ISM2: variants seen among roughly 807,000 people sequenced by gnomAD.
The protein encoded by ISM2 is isthmin 2, also known as isthmin-2.
Under a neutral mutation model 58.0 loss-of-function variants are expected in ISM2, and 50 were observed. The ratio of observed to expected loss-of-function variants is 0.86; its 90% CI spans 0.69 to 1.09. The LOEUF (loss-of-function observed/expected upper bound fraction) is 1.09, where lower values mean the gene tolerates loss of function less well. Among genes scored for constraint, ISM2 ranks in the 50% least tolerant of loss-of-function variants. The probability of loss-of-function intolerance (pLI) is 0.00; values close to 1 mark genes in which losing one functional copy is unlikely to be tolerated. For missense variants in ISM2, 723 were observed against 745.0 expected (o/e 0.97, Z 0.34); for synonymous variants, 303 against 312.4 (o/e 0.97, Z 0.32).
chr14:77,498,596 G>A (rs1013917460), intron 1 of ISM2, 57 bp downstream of exon 1: 13 of 1,397,276 alleles, frequency 9.3e-6, no homozygotes, highest in Admixed American at 3.3e-5. Flanking sequence ...TGGAGCCGGC[G>A]GGCTGGGGAG....
intron 3 of ISM2, among the ~76,000 whole-genome samples, chr14:77,483,547 CAA>C (rs5809837): frequency 3.7e-4 from 41 of 111,940 alleles, no homozygotes; most frequent in Non-Finnish European, 3.2e-4. Flanking sequence ...GACTCCATCT[CAA>C]AAAAAAAAAA....
chr14:77,479,391 T>C (rs999121388), intron 4 of ISM2, among the ~76,000 whole-genome samples: 2 of 149,452 alleles, frequency 1.3e-5, no homozygotes, highest in African/African-American at 5.0e-5. Context: ...GCTAATTTTT[T>C]TTTTTTTTTT....
Position 77,484,507 on chromosome 14 carries a change from G to A in ISM2, c.443C>T (p.Pro148Leu). 6.2e-7 allele frequency: 1 copy of A among 1,602,988 alleles called. No homozygotes were observed. Among genetic ancestry groups the A allele is most frequent in the Non-Finnish European group, 8.5e-7 (1 of 1,174,402 alleles). The change falls in exon 3 of 7, where the codon CCC becomes CTC. Residue 148 changes from proline (P) to leucine (L), a missense_variant. By Grantham distance (98) the Pro-to-Leu change is moderately conservative. Coordinates refer to ENST00000342219, the MANE Select transcript of ISM2 (RefSeq NM_199296.3). ...TAGCTCTGCCTGCAGGTGGGTTCTGGGGAGCAGTCGTGCCTCCTCCTCTTC... is the reference window on the plus strand; with the variant it reads ...TAGCTCTGCCTGCAGGTGGGTTCTGAGGAGCAGTCGTGCCTCCTCCTCTTC... ...LREEEEARLL[P>L]RTHLQAELHQ...
intron 5 of ISM2, 120 bp downstream of exon 5, chr14:77,478,455 C>G (rs1468117852): frequency 6.9e-7 from 1 of 1,440,144 alleles, no homozygotes. Context: ...CAAGGCAGGA[C>G]CACCATGTTT....
Position 77,482,401 on chromosome 14 carries a change from C to A in ISM2, c.894G>T (p.Trp298Cys). 6.2e-7 allele frequency: 1 copy of A among 1,614,194 alleles called. No homozygotes were observed. Among genetic ancestry groups the A allele is most frequent in the Non-Finnish European group, 8.5e-7 (1 of 1,180,022 alleles). The part of the protein sequence containing the change: ...KEEDEEEQAL[W>C]FNGTTDNWDQ... ...CCCAGTTGTCTGTAGTTCCATTGAA[C>A]CAGAGCGCCTGCTCTTCCTCATCTT... Residue 298 changes from tryptophan to cysteine, a missense_variant, in exon 4 of 7, where the codon TGG becomes TGT. Physicochemically the swap from Trp to Cys is radical, Grantham distance 215 (BLOSUM62 -2). Transcript: ENST00000342219.
rs145110700 is a variant in ISM2 at position 77,484,387 on chromosome 14, A to G, written c.563T>C (p.Leu188Pro). Reference protein sequence around the residue: ...PRTQEVTPLLLELQKLPELVH... With the variant: ...PRTQEVTPLLPELQKLPELVH... The stretch of plus-strand genomic sequence containing the variant: ...CAATTCTGGCAGCTTCTGCAGCTCC[A>G]GCAGCAAGGGAGTAACCTCCTGGGT... Residue 188 changes from leucine (L) to proline (P), a missense_variant, in exon 3 of 7, where the codon CTG (leucine) becomes CCG (proline). Transcript: ENST00000342219. 5.3e-5 allele frequency: 85 copies of G among 1,612,744 alleles called. 1 individual carries two copies. In the Admixed American group the frequency reaches 1.2e-3, roughly 22 times the overall value.
intron 6 of ISM2, among the ~76,000 whole-genome samples, chr14:77,477,499 G>A (rs2142188): frequency 0.07 from 10,612 of 152,166 alleles, 565 homozygotes; most frequent in Admixed American, 0.16. Flanking sequence ...CATTTCCCAG[G>A]CCCACCCCTG....
chr14:77,475,728 GTCGTGTCGA>G lies in ISM2; in HGVS notation c.1574_1582del (p.Phe525_Thr528delinsSer). The G allele has an allele frequency of 6.2e-7, 1 of 1,614,106 alleles. No individual in the cohort carries two copies. The highest frequency in any genetic ancestry group is 8.5e-7 in the Non-Finnish European group (1 of 1,180,030). The stretch of plus-strand genomic sequence containing the variant: ...GTCCCCCTTGCACAGGATCCAGGGC[GTCGTGTCGA>G]ACTTGAAGTGCAGCTTAGGTGAGAA... On this transcript the variant is annotated inframe_deletion, in exon 7 of 7. Coordinates refer to ENST00000342219, the MANE Select transcript of ISM2 (RefSeq NM_199296.3). This position sits in a 1 kb window ranked among gnomAD's most constrained non-coding sequence, Gnocchi z 4.1.
chr14:77,484,469 A>G lies in ISM2; in HGVS notation c.481T>C (p.Cys161Arg), dbSNP rs1480958422. ...HLQAELHQHG[C>R]WTVTEPAALT... Reference sequence around the variant, plus strand: ...GCTGCTGGCTCAGTGACAGTCCAACATCCATGTTGGTGTAGCTCTGCCTGC... The same window carrying G: ...GCTGCTGGCTCAGTGACAGTCCAACGTCCATGTTGGTGTAGCTCTGCCTGC... The change falls in exon 3 of 7, where the codon TGT (cysteine) becomes CGT (arginine). Residue 161 changes from cysteine to arginine, a missense_variant. Coordinates refer to ENST00000342219, the MANE Select transcript of ISM2 (RefSeq NM_199296.3). The G allele has an allele frequency of 6.2e-7, 1 of 1,610,576 alleles. No individual in the cohort carries two copies. Among genetic ancestry groups the G allele is most frequent in the Admixed American group, 1.7e-5 (1 of 59,752 alleles).
intron 1 of ISM2, among the ~76,000 whole-genome samples, chr14:77,490,158 C>T (rs568309338): frequency 5.3e-5 from 8 of 152,174 alleles, no homozygotes; most frequent in East Asian, 1.9e-4. Flanking sequence ...CCACCACGCC[C>T]GGCTAATTTT....
intron 1 of ISM2, among the ~76,000 whole-genome samples, chr14:77,496,595 G>C (rs1307831920): frequency 1.3e-5 from 2 of 149,496 alleles, no homozygotes; most frequent in Non-Finnish European, 3.0e-5. Context: ...CAGCCAGTTC[G>C]AGACCAGCCT....
intron 1 of ISM2, among the ~76,000 whole-genome samples, chr14:77,497,500 C>G (rs1170366579): frequency 2.6e-5 from 4 of 151,224 alleles, no homozygotes; most frequent in African/African-American, 7.3e-5. Flanking sequence ...GCCTGGGACA[C>G]ACAGTGAGAC....
intron 1 of ISM2, among the ~76,000 whole-genome samples, chr14:77,488,240 C>T (rs975956203): frequency 1.3e-5 from 2 of 152,144 alleles, no homozygotes; most frequent in Non-Finnish European, 2.9e-5. Flanking sequence ...AAATGAACAC[C>T]AGCAACCCTG....
At chr14:77,483,643 CGTGTGTGT>C (rs148280012) in intron 3 of ISM2, among the ~76,000 whole-genome samples, 1 of 149,336 alleles carries the variant, frequency 6.7e-6, no homozygotes, top group East Asian at 2.0e-4. Flanking sequence ...TGCGTGTGTG[CGTGTGTGT>C]GTGTGTGTCT....
intron 1 of ISM2, among the ~76,000 whole-genome samples, chr14:77,487,547 G>A (rs1174468804): frequency 6.6e-6 from 1 of 152,200 alleles, no homozygotes; most frequent in African/African-American, 2.4e-5. Flanking sequence ...GGCCAGAGAG[G>A]TTCTGGCCAA....
rs2079118588 is a variant in ISM2 at position 77,479,384 on chromosome 14, A to C, written c.974-669T>G. On this transcript the variant is annotated intron_variant, in intron 4 of 6. Transcript: ENST00000342219. ...CAAGCATGCGCCACCATGCCTGGCT[A>C]ATTTTTTTTTTTTTTTTCAGATGGA... is the stretch of plus-strand genomic sequence containing the variant. Among the ~76,000 whole-genome samples, 4 of 137,520 alleles carry C rather than the reference A, an allele frequency of 2.9e-5. No homozygotes were observed. The South Asian group carries it at 6.9e-4, about 24-fold the overall frequency. The allele number at this position is 137,520 out of a possible 152,430, so 90.2% of individuals were successfully genotyped here.
At chr14:77,498,326 G>A (rs1026759514) in intron 1 of ISM2, 20 of 1,389,456 alleles carry the variant, frequency 1.4e-5, no homozygotes, top group Non-Finnish European at 1.9e-5. Flanking sequence ...CCTGGAAAGG[G>A]GGCTGCAGGC....
intron 6 of ISM2, among the ~76,000 whole-genome samples, chr14:77,477,935 G>T (rs56831061): frequency 6.6e-6 from 1 of 152,256 alleles, no homozygotes; most frequent in East Asian, 1.9e-4. Context: ...GAGTAACCAA[G>T]GAATGGAAGT....
chr14:77,478,369 C>A (rs973728851), intron 5 of ISM2, 44 bp from the exon 6 acceptor site: 2 of 1,551,382 alleles, frequency 1.3e-6, no homozygotes. Context: ...CGCAGGCCAC[C>A]TCAGTGCCGC....
Sources: allele counts gnomAD v4.1 joint callset (sites outside exome capture counted in the v4.1 genomes callset), GRCh38; gene constraint gnomAD v4.1.1; non-coding constraint Gnocchi (gnomAD v3.1); transcripts MANE v1.5; gene names NCBI Gene and HGNC (gene_info 2026-07-23, HGNC 2026-07-21).